Variants in SLC35D4 observed in about 807,000 individuals in gnomAD.
The protein encoded by SLC35D4 is UDP-N-acetylglucosamine transporter SLC35D4.
chr18:23,246,265 CA>C, the SLC35D4 span, among the ~76,000 whole-genome samples: 82 of 140,588 alleles, frequency 5.8e-4, no homozygotes, highest in Admixed American at 1.1e-3. Context: ...GACTCCATCT[CA>C]AAAAAAAAAA....
chr18:23,272,176 C>T, the SLC35D4 span, among the ~76,000 whole-genome samples: 1 of 152,192 alleles, frequency 6.6e-6, no homozygotes, highest in African/African-American at 2.4e-5. Context: ...GGATCTGATG[C>T]TATTTCCAGG....
chr18:23,349,119 G>T, the SLC35D4 span, among the ~76,000 whole-genome samples: 1 of 152,214 alleles, frequency 6.6e-6, no homozygotes, highest in East Asian at 1.9e-4. Flanking sequence ...TCTTTCAACA[G>T]TTTGATTATA....
At chr18:23,313,880 A>T in the SLC35D4 span, among the ~76,000 whole-genome samples, 1 of 152,122 alleles carries the variant, frequency 6.6e-6, no homozygotes, top group Admixed American at 6.5e-5. Context: ...TTTGTGCTCC[A>T]CACTTGACTC....
chr18:23,271,296 A>G, the SLC35D4 span, among the ~76,000 whole-genome samples: 1 of 151,546 alleles, frequency 6.6e-6, no homozygotes, highest in Non-Finnish European at 1.5e-5. Context: ...AATTCATTAA[A>G]CCTCTTTTTC....
the SLC35D4 span, among the ~76,000 whole-genome samples, chr18:23,403,915 C>A: frequency 6.6e-6 from 1 of 152,086 alleles, no homozygotes; most frequent in African/African-American, 2.4e-5. Context: ...GTCAGGTGAT[C>A]GAGAACATCC....
the SLC35D4 span, chr18:23,356,768 CT>C: frequency 4.3e-6 from 4 of 931,492 alleles, no homozygotes; most frequent in Middle Eastern, 5.5e-4. This position sits in a 1 kb window ranked among gnomAD's most constrained non-coding sequence, Gnocchi z 4.1. Context: ...CAGTCCTGTG[CT>C]TTCAGTCCCC....
the SLC35D4 span, chr18:23,257,585 A>T: frequency 2.0e-6 from 1 of 490,810 alleles, no homozygotes; most frequent in East Asian, 3.7e-5. Flanking sequence ...CGGGAAGAGG[A>T]GGTGTGTGCT....
the SLC35D4 span, chr18:23,371,479 C>A: frequency 1.9e-6 from 3 of 1,586,884 alleles, no homozygotes; most frequent in African/African-American, 1.4e-5. Context: ...AACTGAAACA[C>A]AAAATTAAAA....
chr18:23,318,164 T>G, the SLC35D4 span, among the ~76,000 whole-genome samples: 2 of 152,234 alleles, frequency 1.3e-5, no homozygotes, highest in African/African-American at 2.4e-5. Context: ...CACTGTGGTT[T>G]TGGTTTGTAT....
At chr18:23,348,717 T>C in the SLC35D4 span, among the ~76,000 whole-genome samples, 4 of 152,248 alleles carry the variant, frequency 2.6e-5, no homozygotes, top group Non-Finnish European at 5.9e-5. Flanking sequence ...AGCCTACTTG[T>C]GTCTTTTACT....
chr18:23,372,868 C>T, the SLC35D4 span, among the ~76,000 whole-genome samples: 3 of 149,372 alleles, frequency 2.0e-5, no homozygotes, highest in South Asian at 2.2e-4. Flanking sequence ...GTGCCTGACA[C>T]GTGGTGGGGA....
the SLC35D4 span, among the ~76,000 whole-genome samples, chr18:23,417,224 A>T: frequency 6.6e-6 from 1 of 150,762 alleles, no homozygotes; most frequent in Non-Finnish European, 1.5e-5. Flanking sequence ...CCTGGACGAC[A>T]GAGCAAGACC....
chr18:23,241,954 A>G, the SLC35D4 span, among the ~76,000 whole-genome samples: 3 of 152,104 alleles, frequency 2.0e-5, no homozygotes, highest in Non-Finnish European at 4.4e-5. Context: ...CCTACTGTAG[A>G]AGGTCAAGGG....
chr18:23,328,669 A>G, the SLC35D4 span, among the ~76,000 whole-genome samples: 2 of 152,208 alleles, frequency 1.3e-5, no homozygotes, highest in African/African-American at 4.8e-5. Flanking sequence ...CCATCAAGCT[A>G]CCAATGACTT....
chr18:23,357,192 C>G, the SLC35D4 span, among the ~76,000 whole-genome samples: 1 of 152,132 alleles, frequency 6.6e-6, no homozygotes, highest in Non-Finnish European at 1.5e-5. Context: ...ATGTACTGCC[C>G]TGACATTTTT....
At chr18:23,402,036 C>T in the SLC35D4 span, among the ~76,000 whole-genome samples, 132 of 152,264 alleles carry the variant, frequency 8.7e-4, no homozygotes, top group Middle Eastern at 3.4e-3. Flanking sequence ...TTGTGTTCTC[C>T]GAAGTCATCT....
the SLC35D4 span, among the ~76,000 whole-genome samples, chr18:23,318,431 T>C: frequency 3.9e-5 from 6 of 152,242 alleles, no homozygotes; most frequent in Non-Finnish European, 8.8e-5. Flanking sequence ...TGAAGTTCAC[T>C]TTATCTAATT....
the SLC35D4 span, chr18:23,399,671 T>C: frequency 6.2e-7 from 1 of 1,612,104 alleles, no homozygotes; most frequent in Non-Finnish European, 8.5e-7. Flanking sequence ...AAAAAAGCAA[T>C]AACACTTTTG....
chr18:23,408,001 G>T, the SLC35D4 span, among the ~76,000 whole-genome samples: 11 of 152,138 alleles, frequency 7.2e-5, no homozygotes, highest in Non-Finnish European at 1.0e-4. Flanking sequence ...AGGGCTGGCT[G>T]CTGTTTCCTC....
Sources: gnomAD v4.1 joint callset for allele counts (sites outside exome capture counted in the v4.1 genomes callset) on GRCh38, gnomAD v4.1.1 for gene constraint, Gnocchi (gnomAD v3.1) non-coding constraint, MANE v1.5 for transcripts, NCBI Gene and HGNC (gene_info 2026-07-23, HGNC 2026-07-21) for gene names.